HS6ST3: variants seen among roughly 807,000 people sequenced by gnomAD.
HS6ST3 encodes heparan-sulfate 6-O-sulfotransferase 3.
A neutral mutation model predicts 36.7 loss-of-function variants in HS6ST3; 12 were observed. That is an observed-to-expected ratio of 0.33 (90% CI 0.21 to 0.53). HS6ST3 has a LOEUF of 0.53. Ranked by LOEUF, HS6ST3 falls within the 20% of genes least tolerant of loss-of-function variation. HS6ST3 has a pLI of 0.95. For synonymous variants in HS6ST3, 240 were observed against 257.5 expected (o/e 0.93, Z 0.65); for missense variants, 584 against 640.9 (o/e 0.91, Z 0.96).
At chr13:96,432,791 CTA>C (rs113244812) in intron 1 of HS6ST3, among the ~76,000 whole-genome samples, 2,861 of 152,262 alleles carry the variant, frequency 0.019, 104 homozygotes, top group African/African-American at 0.065. Flanking sequence ...AATTATATCT[CTA>C]TGAAGTAATA....
At chr13:96,529,957 C>A (rs548683559) in intron 1 of HS6ST3, among the ~76,000 whole-genome samples, 122 of 152,246 alleles carry the variant, frequency 8.0e-4, no homozygotes, top group African/African-American at 2.5e-3. Context: ...CAAGGAATAA[C>A]ATGAATCCAA....
chr13:96,798,566 G>A (rs140404108), intron 1 of HS6ST3, among the ~76,000 whole-genome samples: 13 of 152,168 alleles, frequency 8.5e-5, no homozygotes, highest in African/African-American at 2.6e-4. Context: ...GGATCCTATA[G>A]TTACTATGGA....
intron 1 of HS6ST3, among the ~76,000 whole-genome samples, chr13:96,536,106 G>T (rs2138938528): frequency 6.6e-6 from 1 of 152,252 alleles, no homozygotes; most frequent in South Asian, 2.1e-4. Context: ...GTACCCCCAT[G>T]CTTAAATTTT....
chr13:96,333,875 A>T (rs1641834885), intron 1 of HS6ST3, among the ~76,000 whole-genome samples: 1 of 152,150 alleles, frequency 6.6e-6, no homozygotes, highest in Non-Finnish European at 1.5e-5. Context: ...GGTAACAGCA[A>T]GCTGGAGCTC....
chr13:96,704,316 G>C (rs994780055), intron 1 of HS6ST3, among the ~76,000 whole-genome samples: 5 of 152,024 alleles, frequency 3.3e-5, no homozygotes, highest in Non-Finnish European at 5.9e-5. Context: ...GGAAGTTTTT[G>C]GTTCTCCACA....
At chr13:96,608,685 A>G (rs2056447230) in intron 1 of HS6ST3, among the ~76,000 whole-genome samples, 2 of 152,226 alleles carry the variant, frequency 1.3e-5, no homozygotes, top group African/African-American at 2.4e-5. Context: ...AAACTATATC[A>G]GGTTTTTAAA....
intron 1 of HS6ST3, among the ~76,000 whole-genome samples, chr13:96,441,380 A>G (rs746827344): frequency 1.1e-4 from 16 of 152,120 alleles, no homozygotes; most frequent in Non-Finnish European, 1.3e-4. Context: ...ACCTAGCAGT[A>G]CTTGAGGAGC....
At chr13:96,366,412 G>A (rs185259490) in intron 1 of HS6ST3, among the ~76,000 whole-genome samples, 6 of 151,280 alleles carry the variant, frequency 4.0e-5, no homozygotes, top group Admixed American at 3.3e-4. Context: ...TTGTGCCACT[G>A]CACTCCAGCC....
chr13:96,210,880 C>A (rs1383962022), intron 1 of HS6ST3, among the ~76,000 whole-genome samples: 1 of 151,834 alleles, frequency 6.6e-6, no homozygotes, highest in Non-Finnish European at 1.5e-5. Flanking sequence ...AGGCATGAGT[C>A]CCCACACCCA....
chr13:96,109,648 A>G (rs2037046799), intron 1 of HS6ST3, among the ~76,000 whole-genome samples: 1 of 152,186 alleles, frequency 6.6e-6, no homozygotes, highest in South Asian at 2.1e-4. Context: ...CACTGGTGTT[A>G]GTGACTTTGA....
In HS6ST3 at chr13:96,614,297, C is replaced by CAAAAAAAAAAAAA. The variant is rs67979751; in HGVS notation, c.708-218174_708-218162dup. Among the ~76,000 whole-genome samples the CAAAAAAAAAAAAA allele has an allele frequency of 1.1e-3, 50 of 43,980 alleles. 4 individuals carry two copies. The highest frequency in any genetic ancestry group is 1.3e-3 in the Non-Finnish European group (34 of 26,540). The allele number at this position is 43,980 out of a possible 152,430, so 28.9% of individuals were successfully genotyped here. A position where few individuals can be genotyped will look rare whatever the true frequency, so the allele number is the denominator to read the frequency against. ...TGGGCAACAGAGCAAGGATCCATCT[C>CAAAAAAAAAAAAA]AAAAAAAAAAAAAAAAAAAAAAAAA... On this transcript the variant is annotated intron_variant, in intron 1 of 1. Transcript: ENST00000376705.
At chr13:96,227,081 G>A (rs984720846) in intron 1 of HS6ST3, among the ~76,000 whole-genome samples, 5 of 151,884 alleles carry the variant, frequency 3.3e-5, no homozygotes, top group African/African-American at 1.2e-4. Flanking sequence ...AATCTCTTGG[G>A]AAAAATATGC....
chr13:96,670,989 G>C (rs1397510019), intron 1 of HS6ST3, among the ~76,000 whole-genome samples: 2 of 152,108 alleles, frequency 1.3e-5, no homozygotes, highest in African/African-American at 4.8e-5. Context: ...CCAATGGCAG[G>C]CTATGAATTT....
At chr13:96,635,030 T>A (rs1466202415) in intron 1 of HS6ST3, among the ~76,000 whole-genome samples, 1 of 152,168 alleles carries the variant, frequency 6.6e-6, no homozygotes, top group Non-Finnish European at 1.5e-5. Context: ...TGATGTGGCA[T>A]TTCTTGCATC....
intron 1 of HS6ST3, among the ~76,000 whole-genome samples, chr13:96,557,076 G>A (rs1314072501): frequency 6.6e-6 from 1 of 152,152 alleles, no homozygotes; most frequent in Non-Finnish European, 1.5e-5. Flanking sequence ...CAACTGTGAG[G>A]TTCTAAAAAC....
chr13:96,331,564 A>T (rs1433348441), intron 1 of HS6ST3, among the ~76,000 whole-genome samples: 1 of 151,808 alleles, frequency 6.6e-6, no homozygotes, highest in African/African-American at 2.4e-5. Context: ...GCGTGCTGGG[A>T]GAACCACTGC....
intron 1 of HS6ST3, among the ~76,000 whole-genome samples, chr13:96,256,996 G>C (rs1376808140): frequency 6.6e-6 from 1 of 152,152 alleles, no homozygotes; most frequent in Non-Finnish European, 1.5e-5. Flanking sequence ...TAACATTTCA[G>C]CTGGAGCATT....
intron 1 of HS6ST3, among the ~76,000 whole-genome samples, chr13:96,759,989 A>G (rs1876925192): frequency 6.6e-6 from 1 of 151,712 alleles, no homozygotes; most frequent in African/African-American, 2.4e-5. Flanking sequence ...TACTTAGGAC[A>G]TGTTTTTTTT....
At chr13:96,308,498 T>C (rs961780792) in intron 1 of HS6ST3, among the ~76,000 whole-genome samples, 4 of 152,124 alleles carry the variant, frequency 2.6e-5, no homozygotes, top group African/African-American at 9.6e-5. Flanking sequence ...CTCTTCTCTG[T>C]AATTAATGAG....
Sources: allele counts gnomAD v4.1 joint callset (sites outside exome capture counted in the v4.1 genomes callset), GRCh38; gene constraint gnomAD v4.1.1; transcripts MANE v1.5; gene names NCBI Gene and HGNC (gene_info 2026-07-23, HGNC 2026-07-21).